The following PTPRN2 variants were observed in gnomAD, a reference collection of about 807,000 sequenced individuals.
PTPRN2 encodes protein tyrosine phosphatase receptor type N2.
Under a neutral mutation model 118.8 loss-of-function variants are expected in PTPRN2, and 74 were observed. That is an observed-to-expected ratio of 0.62 (90% CI 0.52 to 0.76). PTPRN2 has a LOEUF of 0.76. Among genes scored for constraint, PTPRN2 ranks in the 30% least tolerant of loss-of-function variants. PTPRN2 has a pLI of 0.00. For synonymous variants in PTPRN2, 641 were observed against 608.0 expected (o/e 1.05, Z -0.80); for missense variants, 1,481 against 1,394.4 (o/e 1.06, Z -0.99).
At chr7:158,380,936 C>T (rs1484256113) in intron 2 of PTPRN2, among the ~76,000 whole-genome samples, 1 of 152,276 alleles carries the variant, frequency 6.6e-6, no homozygotes, top group East Asian at 1.9e-4. Context: ...CCCTCTGAAG[C>T]CACAGCCTGA....
At chr7:158,470,029 G>A (rs1431096752) in intron 2 of PTPRN2, among the ~76,000 whole-genome samples, 2 of 151,844 alleles carry the variant, frequency 1.3e-5, no homozygotes, top group Admixed American at 6.5e-5. Context: ...GCTGGGATTT[G>A]TCCTAGTGCC....
chr7:158,369,385 G>A (rs934908861), intron 2 of PTPRN2, among the ~76,000 whole-genome samples: 4 of 151,834 alleles, frequency 2.6e-5, no homozygotes, highest in Admixed American at 2.6e-4. Flanking sequence ...CTAATACACA[G>A]AGTGTCCAAA....
At chr7:157,947,781 C>A (rs6969220) in intron 11 of PTPRN2, among the ~76,000 whole-genome samples, 6 of 152,072 alleles carry the variant, frequency 3.9e-5, no homozygotes, top group African/African-American at 7.2e-5. Flanking sequence ...CATCAAAAGC[C>A]AAAGACAGAA....
Position 158,167,076 on chromosome 7 carries a change from T to C in PTPRN2, c.765A>G (p.Pro255=). The C allele has an allele frequency of 6.2e-7, 1 of 1,600,748 alleles. No individual in the cohort carries two copies. The highest frequency in any genetic ancestry group is 1.1e-5 in the South Asian group (1 of 89,900). The change falls in exon 6 of 23, where the codon CCA becomes CCG. Residue 255 remains proline, a synonymous_variant. Transcript: ENST00000389418. ...CCAGGCTGCCCTCCCCGGGGGGAGCTGGGGGCCTCTGGGCAGCATAGGCAC... is the reference window on the plus strand; with the variant it reads ...CCAGGCTGCCCTCCCCGGGGGGAGCCGGGGGCCTCTGGGCAGCATAGGCAC... ...ALSAYAAQRP[P]APPGEGSLEP... is the part of the protein sequence containing the mutation.
intron 11 of PTPRN2, among the ~76,000 whole-genome samples, chr7:158,071,434 TG>T (rs1811601457): frequency 5.5e-5 from 2 of 36,152 alleles, no homozygotes; most frequent in African/African-American, 1.1e-4. Context: ...GAGGTGCTCG[TG>T]GTGGTGGAGG....
At chr7:157,919,221 A>G (rs1798571096) in intron 11 of PTPRN2, among the ~76,000 whole-genome samples, 1 of 152,224 alleles carries the variant, frequency 6.6e-6, no homozygotes, top group African/African-American at 2.4e-5. Flanking sequence ...AATCATAAAA[A>G]TCATAAATGT....
intron 11 of PTPRN2, among the ~76,000 whole-genome samples, chr7:158,062,751 C>T (rs1323252447): frequency 6.6e-6 from 1 of 152,254 alleles, no homozygotes; most frequent in East Asian, 1.9e-4. Context: ...GTTCCCCCAG[C>T]AGTGCCAGCC....
At chr7:158,316,070 A>G (rs1362371164) in intron 3 of PTPRN2, among the ~76,000 whole-genome samples, 9 of 152,284 alleles carry the variant, frequency 5.9e-5, no homozygotes, top group Middle Eastern at 3.4e-3. Flanking sequence ...TGAGTCCCCA[A>G]CATGACATCA....
chr7:158,318,120 GCTCTCGGGGA>G (rs1342370388), intron 2 of PTPRN2, among the ~76,000 whole-genome samples: 1 of 152,150 alleles, frequency 6.6e-6, no homozygotes, highest in Admixed American at 6.5e-5. Flanking sequence ...AAGGCGGAGG[GCTCTCGGGGA>G]CGCGTCTGCA....
intron 11 of PTPRN2, chr7:158,028,128 C>G (rs1010388143): frequency 1.3e-5 from 2 of 152,262 alleles, no homozygotes; most frequent in Admixed American, 6.5e-5. Context: ...AGGGCCCAAG[C>G]TTTTTCTCCC....
chr7:157,580,895 A>G lies in PTPRN2; in HGVS notation c.2497-2755T>C, dbSNP rs1344494446. Among the ~76,000 whole-genome samples, 19 of 97,750 alleles carry G rather than the reference A, an allele frequency of 1.9e-4. 2 individuals carry two copies. In the East Asian group the frequency reaches 3.3e-3, roughly 17 times the overall value. The allele number at this position is 97,750 out of a possible 152,430, so 64.1% of individuals were successfully genotyped here. ...GCACACCCCAGCACCTGCACACCCC[A>G]GCACCTCCACACCGTGGCACCTGCA... On this transcript the variant is annotated intron_variant, in intron 17 of 22. Coordinates refer to ENST00000389418, the MANE Select transcript of PTPRN2 (RefSeq NM_002847.5).
chr7:158,238,428 A>G (rs1364858806), intron 3 of PTPRN2, among the ~76,000 whole-genome samples: 1 of 152,140 alleles, frequency 6.6e-6, no homozygotes, highest in Non-Finnish European at 1.5e-5. Context: ...AGGAAGCCAC[A>G]GCAAGGCTTC....
intron 2 of PTPRN2, among the ~76,000 whole-genome samples, chr7:158,343,482 C>A (rs911844882): frequency 6.6e-6 from 1 of 152,270 alleles, no homozygotes; most frequent in East Asian, 1.9e-4. Flanking sequence ...CTGATGCAGT[C>A]GCCGTGGAAA....
Position 158,188,182 on chromosome 7 carries a change from CCCGCGATGGGGAAGGCCG to C in PTPRN2, c.549+4127_549+4144del, listed in dbSNP as rs1271922900. On this transcript the variant is annotated intron_variant, in intron 5 of 22. Coordinates refer to ENST00000389418, the MANE Select transcript of PTPRN2 (RefSeq NM_002847.5). Reference sequence around the variant, plus strand: ...GTACTGGGAAGGCCGCCACGCTCGCCCCGCGATGGGGAAGGCCGCCACGCTCGCCGCCTGATGGGGAAG... The same window carrying C: ...GTACTGGGAAGGCCGCCACGCTCGCCCCACGCTCGCCGCCTGATGGGGAAG... 5.6e-4 allele frequency among the ~76,000 whole-genome samples: 68 copies of C among 121,182 alleles called. 6 individuals carry two copies. In the East Asian group the frequency reaches 0.017, roughly 30 times the overall value. The allele number at this position is 121,182 out of a possible 152,430, so 79.5% of individuals were successfully genotyped here. A position where few individuals can be genotyped will look rare whatever the true frequency, so the allele number is the denominator to read the frequency against.
rs576299796 is a variant in PTPRN2, at chr7:157,781,653, C to G, written c.1789-98716G>C. ...CTGGATGGTGCATGGCGGAAGCTTC[C>G]TGACTGAGGACAAGCTGACCCAGCT... is the stretch of plus-strand genomic sequence containing the variant. On this transcript the variant is annotated intron_variant, in intron 12 of 22. Coordinates refer to ENST00000389418, the MANE Select transcript of PTPRN2 (RefSeq NM_002847.5). 9.0e-4 allele frequency among the ~76,000 whole-genome samples: 137 copies of G among 152,344 alleles called. 2 individuals are homozygous for G. Among genetic ancestry groups the G allele is most frequent in the Middle Eastern group, 3.4e-3 (1 of 294 alleles).
chr7:158,230,540 GTT>G, intron 3 of PTPRN2, among the ~76,000 whole-genome samples: 1 of 151,534 alleles, frequency 6.6e-6, no homozygotes, highest in Admixed American at 6.6e-5. Flanking sequence ...ATACAGAGGG[GTT>G]TTTTTTCATT....
chr7:158,456,093 C>A (rs1167447659), intron 2 of PTPRN2, among the ~76,000 whole-genome samples: 1 of 150,736 alleles, frequency 6.6e-6, no homozygotes, highest in Non-Finnish European at 1.5e-5. Flanking sequence ...CACGGCCCCC[C>A]ATCAATCTGC....
intron 5 of PTPRN2, among the ~76,000 whole-genome samples, chr7:158,177,228 T>C (rs146857065): frequency 1.3e-5 from 2 of 152,250 alleles, no homozygotes; most frequent in Admixed American, 6.5e-5. Flanking sequence ...AGAATTTCTA[T>C]GTCCTCATCA....
At chr7:157,841,468 C>T (rs1165454041) in intron 12 of PTPRN2, among the ~76,000 whole-genome samples, 4 of 152,204 alleles carry the variant, frequency 2.6e-5, no homozygotes, top group Non-Finnish European at 4.4e-5. Flanking sequence ...CCCTTCCCAC[C>T]CCACCCGCAG....
Sources: gnomAD v4.1 joint callset for allele counts (sites outside exome capture counted in the v4.1 genomes callset) on GRCh38, gnomAD v4.1.1 for gene constraint, MANE v1.5 for transcripts, NCBI Gene and HGNC (gene_info 2026-07-23, HGNC 2026-07-21) for gene names.